The following EMC2 variants were observed in gnomAD, a reference collection of about 807,000 sequenced individuals.
The protein encoded by EMC2 is TPR repeat protein 35.
Under a neutral mutation model 51.6 loss-of-function variants are expected in EMC2, and 37 were observed. The observed-to-expected ratio is 0.72, with a 90% CI of 0.55 to 0.94. The LOEUF (loss-of-function observed/expected upper bound fraction) is 0.94, where lower values mean the gene tolerates loss of function less well. Ranked by LOEUF, EMC2 falls within the 40% of genes least tolerant of loss-of-function variation. The pLI, the probability that EMC2 is intolerant of heterozygous loss-of-function variation, is 0.00. For missense variants in EMC2, 359 were observed against 350.9 expected (o/e 1.02, Z -0.18); for synonymous variants, 131 against 112.4 (o/e 1.17, Z -1.04).
intron 5 of EMC2, among the ~76,000 whole-genome samples, chr8:108,457,325 TGTGTGC>T (rs796654535): frequency 3.9e-4 from 33 of 85,398 alleles, no homozygotes; most frequent in Admixed American, 1.1e-3. Context: ...GATGTGCGTG[TGTGTGC>T]GTGTGTGTGT....
chr8:108,450,433 A>G lies in EMC2; in HGVS notation c.160A>G (p.Ile54Val). ...YASKLGDDIW[I>V]IYEQVMIAAL... ...CCCCCTTTATGTGTATCTAGTTTGGATCATATATGAACAGGTGATGATTGC... is the reference window on the plus strand; with the variant it reads ...CCCCCTTTATGTGTATCTAGTTTGGGTCATATATGAACAGGTGATGATTGC... The change falls in exon 3 of 11, where the codon ATC becomes GTC. Residue 54 changes from isoleucine (I) to valine (V), a missense_variant. By Grantham distance (29) the Ile-to-Val change is conservative. Transcript: ENST00000220853. 1.3e-6 allele frequency: 2 copies of G among 1,594,972 alleles called. No homozygotes were observed. The highest frequency in any genetic ancestry group is 1.7e-6 in the Non-Finnish European group (2 of 1,162,812).
intron 5 of EMC2, among the ~76,000 whole-genome samples, chr8:108,458,801 C>A (rs1819232280): frequency 6.6e-6 from 1 of 152,210 alleles, no homozygotes; most frequent in Admixed American, 6.5e-5. Context: ...CATTCAGCTC[C>A]TTGTTACTTA....
At chr8:108,461,702 T>C (rs1352360867) in intron 5 of EMC2, among the ~76,000 whole-genome samples, 2 of 152,186 alleles carry the variant, frequency 1.3e-5, no homozygotes, top group African/African-American at 4.8e-5. Context: ...TTTTTTAAAG[T>C]TCTGAAATAC....
intron 10 of EMC2, among the ~76,000 whole-genome samples, chr8:108,482,202 T>A (rs1052467990): frequency 2.0e-5 from 3 of 152,196 alleles, no homozygotes; most frequent in African/African-American, 7.2e-5. Flanking sequence ...GGTACATGTG[T>A]AGAGTGGTAC....
At chr8:108,456,091 G>T (rs1005388015) in intron 5 of EMC2, 161 bp downstream of exon 5, 7 of 223,716 alleles carry the variant, frequency 3.1e-5, no homozygotes, top group Non-Finnish European at 8.9e-6. Flanking sequence ...ATGGGCCACA[G>T]TTTATTTTAA....
intron 7 of EMC2, among the ~76,000 whole-genome samples, chr8:108,473,453 A>G (rs767646294): frequency 2.0e-5 from 3 of 152,056 alleles, no homozygotes; most frequent in Non-Finnish European, 4.4e-5. Flanking sequence ...AAATCTGAAA[A>G]CTTCTGAAAT....
chr8:108,449,235 C>T (rs1219331779), intron 1 of EMC2, among the ~76,000 whole-genome samples: 2 of 151,284 alleles, frequency 1.3e-5, no homozygotes, highest in Non-Finnish European at 2.9e-5. Context: ...ACGTCAGTCT[C>T]CTGAGTAGCT....
rs1586197345 is a variant in EMC2 at position 108,486,680 on chromosome 8, G to A, written c.*82G>A. 1.5e-6 allele frequency: 2 copies of A among 1,370,888 alleles called. No homozygotes were observed. The highest frequency in any genetic ancestry group is 2.0e-6 in the Non-Finnish European group (2 of 1,012,112). 84.9% of individuals were successfully genotyped at this position (1,370,888 alleles called of 1,614,324 possible). A position where few individuals can be genotyped will look rare whatever the true frequency, so the allele number is the denominator to read the frequency against. On this transcript the variant is annotated 3_prime_UTR_variant, in exon 11 of 11. Coordinates refer to ENST00000220853, the MANE Select transcript of EMC2 (RefSeq NM_014673.5). ...CTGTAACTTATTTACTAAATGCTCA[G>A]TGCTATTTATATACTACAGTAATTT...
chr8:108,463,011 C>T (rs1819368066), intron 5 of EMC2, among the ~76,000 whole-genome samples: 2 of 152,126 alleles, frequency 1.3e-5, no homozygotes, highest in East Asian at 3.9e-4. Context: ...TGGTGCTCTG[C>T]CTAGTTAACT....
intron 10 of EMC2, among the ~76,000 whole-genome samples, chr8:108,479,990 C>G (rs139957133): frequency 2.6e-5 from 4 of 152,050 alleles, no homozygotes; most frequent in Non-Finnish European, 5.9e-5. Context: ...TCTGGTTACG[C>G]AAAGGAATTT....
chr8:108,456,616 T>C (rs1360084757), intron 5 of EMC2, among the ~76,000 whole-genome samples: 1 of 152,196 alleles, frequency 6.6e-6, no homozygotes, highest in Non-Finnish European at 1.5e-5. Context: ...TTTAATTTAG[T>C]GTAATTTTGA....
chr8:108,464,977 G>A (rs1420455309), intron 5 of EMC2, among the ~76,000 whole-genome samples: 1 of 152,166 alleles, frequency 6.6e-6, no homozygotes, highest in African/African-American at 2.4e-5. Flanking sequence ...CTGGGTCCCT[G>A]AGTCTGGAGT....
intron 3 of EMC2, among the ~76,000 whole-genome samples, chr8:108,451,707 A>T (rs1346341640): frequency 6.6e-6 from 1 of 151,796 alleles, no homozygotes; most frequent in Non-Finnish European, 1.5e-5. Context: ...TTTTATTTTT[A>T]TTTTTTTTGA....
At chr8:108,460,005 C>T (rs1370298576) in intron 5 of EMC2, among the ~76,000 whole-genome samples, 1 of 151,860 alleles carries the variant, frequency 6.6e-6, no homozygotes, top group Non-Finnish European at 1.5e-5. Context: ...GAAAAAGCAC[C>T]CATTTTTTTC....
chr8:108,486,226 GAT>G (rs1811135508), intron 10 of EMC2, among the ~76,000 whole-genome samples: 1 of 151,728 alleles, frequency 6.6e-6, no homozygotes, highest in African/African-American at 2.4e-5. Context: ...GTCTGAATAA[GAT>G]AGTTTCAAAT....
intron 4 of EMC2, among the ~76,000 whole-genome samples, chr8:108,455,215 C>T (rs4735065): frequency 0.68 from 103,863 of 151,796 alleles, 36,090 homozygotes; most frequent in African/African-American, 0.81. Context: ...CTTTTGTAAT[C>T]GTACACACTT....
chr8:108,457,661 A>C (rs1383901848), intron 5 of EMC2, among the ~76,000 whole-genome samples: 1 of 152,044 alleles, frequency 6.6e-6, no homozygotes, highest in African/African-American at 2.4e-5. Context: ...AGTGCAGGAG[A>C]TACCCGCCCC....
chr8:108,486,816 G>A lies in EMC2; in HGVS notation c.*218G>A. ...ATGGAAGAGAGATTTAAGACTTATT[G>A]ATTGTACATCAGTCTCTTCATATCA... On this transcript the variant is annotated 3_prime_UTR_variant, in exon 11 of 11. Coordinates refer to ENST00000220853, the MANE Select transcript of EMC2 (RefSeq NM_014673.5). The A allele has an allele frequency of 2.4e-6, 1 of 411,550 alleles. No individual in the cohort carries two copies. The highest frequency in any genetic ancestry group is 6.7e-5 in the South Asian group (1 of 15,030). 25.5% of individuals were successfully genotyped at this position (411,550 alleles called of 1,614,324 possible). A position where few individuals can be genotyped will look rare whatever the true frequency, so the allele number is the denominator to read the frequency against.
At chr8:108,469,344 T>G (rs1389492816) in intron 5 of EMC2, among the ~76,000 whole-genome samples, 6 of 152,208 alleles carry the variant, frequency 3.9e-5, no homozygotes, top group African/African-American at 1.4e-4. Context: ...GACTGTATTA[T>G]TCTTGTGAAA....
Sources: gnomAD v4.1 joint callset for allele counts (sites outside exome capture counted in the v4.1 genomes callset) on GRCh38, gnomAD v4.1.1 for gene constraint, MANE v1.5 for transcripts, NCBI Gene and HGNC (gene_info 2026-07-23, HGNC 2026-07-21) for gene names.